TPCN2: variants seen among roughly 807,000 people sequenced by gnomAD.
TPCN2 encodes the protein two pore channel protein 2.
TPCN2 carries 92 observed loss-of-function variants against 111.4 expected under a neutral mutation model. The ratio of observed to expected loss-of-function variants is 0.83; its 90% CI spans 0.70 to 0.98. The LOEUF is 0.98. TPCN2 is among the 50% of genes least tolerant of loss of function. TPCN2 has a pLI of 0.00. For missense variants in TPCN2, 995 were observed against 980.1 expected (o/e 1.02, Z -0.20); for synonymous variants, 405 against 414.5 (o/e 0.98, Z 0.28).
chr11:69,072,690 C>A lies in TPCN2; in HGVS notation c.1125C>A (p.His375Gln), dbSNP rs779929005. 1.2e-6 allele frequency: 2 copies of A among 1,613,746 alleles called. No individual in the cohort carries two copies. The highest frequency in any genetic ancestry group is 3.3e-5 in the Admixed American group (2 of 59,998). Residue 375 changes from histidine (H) to glutamine (Q), a missense_variant, in exon 12 of 25, where the codon CAC becomes CAA. Transcript: ENST00000294309. Reference sequence around the variant, plus strand: ...AGAAGGTCCAGCTGGACAGCTCCCACAAACAGGCCATGATGGAGGTACCCG... The same window carrying A: ...AGAAGGTCCAGCTGGACAGCTCCCAAAAACAGGCCATGATGGAGGTACCCG... ...VLQKVQLDSS[H>Q]KQAMMEKVRS...
intron 23 of TPCN2, 62 bp from the exon 24 acceptor site, chr11:69,087,050 G>T: frequency 1.4e-6 from 2 of 1,464,138 alleles, no homozygotes; most frequent in African/African-American, 1.4e-5. Context: ...AGGGGCCGGG[G>T]ATGGGGCAAG....
chr11:69,067,093 C>T (rs867722903), intron 7 of TPCN2, among the ~76,000 whole-genome samples: 1 of 152,186 alleles, frequency 6.6e-6, no homozygotes, highest in Admixed American at 6.5e-5. Flanking sequence ...CACGAAGGGT[C>T]CAACCTATCT....
intron 17 of TPCN2, 101 bp downstream of exon 17, chr11:69,079,984 T>TAGAGTCAGA: frequency 1.8e-6 from 2 of 1,137,634 alleles, no homozygotes; most frequent in Non-Finnish European, 2.6e-6. Context: ...GGGTCTGCTC[T>TAGAGTCAGA]GACTCTAGGG....
chr11:69,054,233 T>G (rs7934327), intron 2 of TPCN2, 136 bp downstream of exon 2: 3 of 697,154 alleles, frequency 4.3e-6, no homozygotes, highest in Non-Finnish European at 7.4e-6. Flanking sequence ...GGGTGGAGCC[T>G]CTGGGCACGG....
chr11:69,063,200 G>A (rs897225724), intron 6 of TPCN2, among the ~76,000 whole-genome samples: 2 of 151,804 alleles, frequency 1.3e-5, no homozygotes, highest in African/African-American at 4.8e-5. Flanking sequence ...AGCAGCCTTC[G>A]AGCTAGGGCC....
intron 16 of TPCN2, 101 bp downstream of exon 16, chr11:69,079,121 G>A (rs1692250672): frequency 6.9e-7 from 1 of 1,442,532 alleles, no homozygotes; most frequent in Non-Finnish European, 9.3e-7. Flanking sequence ...AGGACTAGAG[G>A]CTGTAGGAAG....
intron 22 of TPCN2, 88 bp from the exon 23 acceptor site, chr11:69,086,435 C>A: frequency 9.1e-7 from 1 of 1,097,014 alleles, no homozygotes; most frequent in Non-Finnish European, 1.4e-6. Context: ...TGCCCGAGAG[C>A]TGTCCTGGCC....
rs756366417 is a variant in TPCN2, at chr11:69,073,018, C to T, written c.1230+17C>T. The T allele has an allele frequency of 6.2e-7, 1 of 1,601,848 alleles. No individual in the cohort carries two copies. The highest frequency in any genetic ancestry group is 2.2e-5 in the East Asian group (1 of 44,814). On this transcript the variant is annotated intron_variant, in intron 13 of 24. Transcript: ENST00000294309. ...GTTAAAGAGGTAACTGGGGCCACAG[C>T]CGCCCAGGGTGGATAGTGGGGGCCT... is the stretch of plus-strand genomic sequence containing the variant.
At chr11:69,052,995 A>C (rs1329099643) in intron 1 of TPCN2, among the ~76,000 whole-genome samples, 1 of 152,210 alleles carries the variant, frequency 6.6e-6, no homozygotes, top group Non-Finnish European at 1.5e-5. Context: ...GCAGCTCTGC[A>C]GCGAGGCCAG....
At chr11:69,065,770 G>A (rs1213933880) in intron 7 of TPCN2, among the ~76,000 whole-genome samples, 1 of 152,200 alleles carries the variant, frequency 6.6e-6, no homozygotes, top group African/African-American at 2.4e-5. Context: ...GTTGGTGTTG[G>A]GGTGTGTGGT....
rs375130806 is a variant in TPCN2, at chr11:69,085,234, A to G, written c.1786A>G (p.Ile596Val). The G allele has an allele frequency of 3.3e-6, 5 of 1,523,544 alleles. No individual in the cohort carries two copies. Among genetic ancestry groups the G allele is most frequent in the South Asian group, 1.1e-5 (1 of 90,064 alleles). The allele number at this position is 1,523,544 out of a possible 1,614,324, so 94.4% of individuals were successfully genotyped here. ...LVVVYYVFAI[I>V]GINLFRGVIV... ...GGTGGTCTACTACGTATTTGCCATC[A>G]TTGGGATCAACTTGTTTAGAGGCGT... The change falls in exon 20 of 25, where the codon ATT becomes GTT. Residue 596 changes from isoleucine (I) to valine (V), a missense_variant. Physicochemically the swap from Ile to Val is conservative, Grantham distance 29. Transcript: ENST00000294309.
At chr11:69,069,159 C>T (rs1855400216) in intron 8 of TPCN2, among the ~76,000 whole-genome samples, 1 of 139,600 alleles carries the variant, frequency 7.2e-6, no homozygotes, top group African/African-American at 2.7e-5. Context: ...GAAGTGACCG[C>T]AGTGGGAGCA....
At chr11:69,072,535 T>A in intron 11 of TPCN2, 92 bp from the exon 12 acceptor site, 2 of 1,345,966 alleles carry the variant, frequency 1.5e-6, no homozygotes, top group Admixed American at 2.0e-5. Flanking sequence ...ATGGCAAAGC[T>A]CAAGCCAGAC....
chr11:69,079,308 A>C, intron 16 of TPCN2: 1 of 439,796 alleles, frequency 2.3e-6, no homozygotes, highest in Non-Finnish European at 4.1e-6. Flanking sequence ...CTGGCCAGCG[A>C]CTCCAGCCCG....
chr11:69,087,647 C>T (rs562076940), intron 24 of TPCN2, among the ~76,000 whole-genome samples: 3 of 152,260 alleles, frequency 2.0e-5, no homozygotes, highest in South Asian at 2.1e-4. Context: ...CCAAGCCCTG[C>T]GGTCCTGCCA....
rs368925835 is a variant in TPCN2 at position 69,087,973 on chromosome 11, G to T, written c.*20G>T. On this transcript the variant is annotated 3_prime_UTR_variant, in exon 25 of 25. Transcript: ENST00000294309. ...AGGTGACGTCCGGGCTGCCGTCCCA[G>T]CAGGGGCGGCAGGAGAGAGAGGCTG... The T allele has an allele frequency of 3.1e-5, 50 of 1,593,202 alleles. No homozygotes were observed. Among genetic ancestry groups the T allele is most frequent in the Middle Eastern group, 2.2e-4 (1 of 4,506 alleles).
At chr11:69,057,224 A>C (rs1033074756) in intron 4 of TPCN2, among the ~76,000 whole-genome samples, 2 of 152,252 alleles carry the variant, frequency 1.3e-5, no homozygotes, top group African/African-American at 2.4e-5. Context: ...GTGGCGGCGG[A>C]GACCTGCCCA....
Position 69,088,248 on chromosome 11 carries a change from G to A in TPCN2, c.*295G>A, listed in dbSNP as rs539550227. On this transcript the variant is annotated 3_prime_UTR_variant, in exon 25 of 25. Transcript: ENST00000294309. ...GACCTTTCAGACAAAAATGCAAGAA[G>A]CAGCGGCCTCCCCTGTCCCCTGCAG... 2.5e-6 allele frequency: 1 copy of A among 397,076 alleles called. No individual in the cohort carries two copies. Among genetic ancestry groups the A allele is most frequent in the Non-Finnish European group, 4.6e-6 (1 of 215,986 alleles). 24.6% of individuals were successfully genotyped at this position (397,076 alleles called of 1,614,324 possible).
chr11:69,070,498 G>A lies in TPCN2; in HGVS notation c.895+3G>A, dbSNP rs1855473707. 1 of 1,603,574 alleles carries A rather than the reference G, an allele frequency of 6.2e-7. No individual in the cohort carries two copies. Among genetic ancestry groups the A allele is most frequent in the South Asian group, 1.1e-5 (1 of 89,248 alleles). Reference sequence around the variant, plus strand: ...CTTCATAGTCTTCACTGTGATAGGTGAGTGCAGGTAACGTGGCCAGCATTT... The same window carrying A: ...CTTCATAGTCTTCACTGTGATAGGTAAGTGCAGGTAACGTGGCCAGCATTT... On this transcript the variant is annotated splice_donor_region_variant and intron_variant, in intron 9 of 24. Transcript: ENST00000294309.
Sources: allele counts gnomAD v4.1 joint callset (sites outside exome capture counted in the v4.1 genomes callset), GRCh38; gene constraint gnomAD v4.1.1; transcripts MANE v1.5; gene names NCBI Gene and HGNC (gene_info 2026-07-23, HGNC 2026-07-21).